MLLT3: variants seen among roughly 807,000 people sequenced by gnomAD.
MLLT3 encodes protein AF-9.
MLLT3 carries 4 observed loss-of-function variants against 53.2 expected under a neutral mutation model. The ratio of observed to expected loss-of-function variants is 0.08; its 90% confidence interval spans 0.04 to 0.17. MLLT3 has a LOEUF of 0.17. Among genes scored for constraint, MLLT3 ranks in the 10% least tolerant of loss-of-function variants. The pLI is 1.00. For synonymous variants in MLLT3, 283 were observed against 230.6 expected (o/e 1.23, Z -2.06); for missense variants, 569 against 684.0 (o/e 0.83, Z 1.87).
chr9:20,392,157 A>G (rs944629037), intron 5 of MLLT3, among the ~76,000 whole-genome samples: 4 of 152,134 alleles, frequency 2.6e-5, no homozygotes, highest in African/African-American at 9.7e-5. Context: ...TAATCAGAAC[A>G]CTCTAAGAAA....
rs548919961 is a variant in MLLT3, at chr9:20,409,926, A to G, written c.1125+3795T>C. ...CAGCAACAGCAGAAAACAAAAATGA[A>G]AAAACAAAAATCTACCAAGTGCCTA... On this transcript the variant is annotated intron_variant, in intron 5 of 10. Coordinates refer to ENST00000380338, the MANE Select transcript of MLLT3 (RefSeq NM_004529.4). Among the ~76,000 whole-genome samples the G allele has an allele frequency of 3.5e-4, 54 of 152,336 alleles. No homozygotes were observed. In the South Asian group the frequency reaches 3.9e-3, roughly 11 times the overall value.
chr9:20,532,445 TA>T (rs1466293197), intron 2 of MLLT3: 2 of 172,818 alleles, frequency 1.2e-5, no homozygotes, highest in East Asian at 2.8e-4. Flanking sequence ...TGCAGTCATA[TA>T]GTATATAATT....
At chr9:20,360,916 G>C in intron 7 of MLLT3, 75 bp from the exon 8 acceptor site, 2 of 1,274,114 alleles carry the variant, frequency 1.6e-6, no homozygotes, top group Non-Finnish European at 2.3e-6. Context: ...AATAGGCGTG[G>C]AAAGCACAGA....
intron 2 of MLLT3, among the ~76,000 whole-genome samples, chr9:20,545,051 C>T (rs551604735): frequency 3.6e-5 from 5 of 139,488 alleles, no homozygotes; most frequent in Admixed American, 7.9e-5. Context: ...GCCATGATCA[C>T]GCCACTGCAA....
intron 2 of MLLT3, among the ~76,000 whole-genome samples, chr9:20,475,643 A>C (rs920414853): frequency 1.3e-5 from 2 of 152,114 alleles, no homozygotes; most frequent in Admixed American, 1.3e-4. Flanking sequence ...AAAACAAAAC[A>C]AAACCTGGTT....
At chr9:20,458,016 T>C (rs1824013544) in intron 2 of MLLT3, among the ~76,000 whole-genome samples, 1 of 152,162 alleles carries the variant, frequency 6.6e-6, no homozygotes, top group African/African-American at 2.4e-5. Flanking sequence ...CTCTGCTTCA[T>C]TCCAATGCAT....
intron 4 of MLLT3, among the ~76,000 whole-genome samples, chr9:20,433,063 A>G (rs1015722070): frequency 2.4e-4 from 36 of 151,914 alleles, no homozygotes; most frequent in African/African-American, 8.7e-4. Flanking sequence ...CCCCTTAACA[A>G]TTCAGTCCAA....
At chr9:20,397,722 T>G (rs143864768) in intron 5 of MLLT3, among the ~76,000 whole-genome samples, 1 of 152,194 alleles carries the variant, frequency 6.6e-6, no homozygotes, top group Non-Finnish European at 1.5e-5. Context: ...AACATCTTCC[T>G]TTCTAAAATG....
intron 2 of MLLT3, among the ~76,000 whole-genome samples, chr9:20,501,128 G>A (rs550808842): frequency 1.2e-3 from 190 of 152,200 alleles, no homozygotes; most frequent in African/African-American, 4.4e-3. Flanking sequence ...AAAATGCCTA[G>A]GAATTACTAT....
At chr9:20,510,738 C>G (rs1279748339) in intron 2 of MLLT3, among the ~76,000 whole-genome samples, 4 of 151,210 alleles carry the variant, frequency 2.6e-5, no homozygotes, top group African/African-American at 9.7e-5. Context: ...TTGAAAGTTT[C>G]TACAATCTTC....
chr9:20,471,889 C>A (rs1385963575), intron 2 of MLLT3, among the ~76,000 whole-genome samples: 1 of 151,320 alleles, frequency 6.6e-6, no homozygotes, highest in Non-Finnish European at 1.5e-5. Context: ...ACACTTTTAC[C>A]ACCAACACAG....
chr9:20,621,164 C>T lies in MLLT3; in HGVS notation c.13-330G>A, dbSNP rs1587140932. Among the ~76,000 whole-genome samples, 1 of 152,320 alleles carries T rather than the reference C, an allele frequency of 6.6e-6. No homozygotes were observed. The highest frequency in any genetic ancestry group is 1.9e-4 in the East Asian group (1 of 5,160). On this transcript the variant is annotated intron_variant, in intron 1 of 10. Coordinates refer to ENST00000380338, the MANE Select transcript of MLLT3 (RefSeq NM_004529.4). This position sits in a 1 kb window ranked among gnomAD's most constrained non-coding sequence, Gnocchi z 7.0. ...ACGACAAGCACGACAACAAATGCAT[C>T]GGAAACAAATCAGAAGGCGATGCCG...
At chr9:20,594,289 C>T (rs1349352275) in intron 2 of MLLT3, among the ~76,000 whole-genome samples, 3 of 152,078 alleles carry the variant, frequency 2.0e-5, no homozygotes, top group South Asian at 2.1e-4. Context: ...TATCACCTTT[C>T]GTTGGAACTC....
chr9:20,475,401 A>T (rs543168480), intron 2 of MLLT3, among the ~76,000 whole-genome samples: 11 of 152,264 alleles, frequency 7.2e-5, no homozygotes, highest in Non-Finnish European at 1.6e-4. Flanking sequence ...GCTGTCCTGC[A>T]CTTTATCTTA....
At chr9:20,559,809 C>T (rs1819155269) in intron 2 of MLLT3, among the ~76,000 whole-genome samples, 1 of 152,144 alleles carries the variant, frequency 6.6e-6, no homozygotes, top group Admixed American at 6.6e-5. Flanking sequence ...GTTCAATATG[C>T]ACAACATAGT....
rs542060503 is a variant in MLLT3 at position 20,602,813 on chromosome 9, ATATT to A, written c.193+17837_193+17840del. The stretch of plus-strand genomic sequence containing the variant: ...ACACACACACAGCATATGCACACAT[ATATT>A]TATTTATCTCCACCTAAAAAGAGAA... On this transcript the variant is annotated intron_variant, in intron 2 of 10. Coordinates refer to ENST00000380338, the MANE Select transcript of MLLT3 (RefSeq NM_004529.4). Among the ~76,000 whole-genome samples the A allele has an allele frequency of 2.7e-4, 41 of 151,862 alleles. 1 individual carries two copies. In the South Asian group the frequency reaches 4.2e-3, roughly 15 times the overall value.
intron 2 of MLLT3, among the ~76,000 whole-genome samples, chr9:20,480,935 T>C (rs1473384060): frequency 1.3e-5 from 2 of 152,130 alleles, no homozygotes; most frequent in Non-Finnish European, 2.9e-5. Flanking sequence ...AAGGCAAACC[T>C]ATAAATAAAT....
intron 2 of MLLT3, among the ~76,000 whole-genome samples, chr9:20,578,418 T>C (rs1231867606): frequency 2.6e-5 from 4 of 152,048 alleles, no homozygotes; most frequent in Non-Finnish European, 5.9e-5. Context: ...TGGCTCACAC[T>C]TGTAATTCCA....
Position 20,414,189 on chromosome 9 carries a change from T to C in MLLT3, c.657A>G (p.Lys219=). Residue 219 remains lysine, a synonymous_variant, in exon 5 of 11, where the codon AAA becomes AAG. Transcript: ENST00000380338. ...ATTTGTTGTGATCCCTGGAAGGTTC[T>C]TTGAAGGCACTTTTATGTTCTCTGG... ...KDSREHKSAF[K]EPSRDHNKSS... The C allele has an allele frequency of 1.9e-6, 3 of 1,614,250 alleles. No individual in the cohort carries two copies. The highest frequency in any genetic ancestry group is 2.2e-5 in the South Asian group (2 of 91,084).
Sources: allele counts gnomAD v4.1 joint callset (sites outside exome capture counted in the v4.1 genomes callset), GRCh38; gene constraint gnomAD v4.1.1; non-coding constraint Gnocchi (gnomAD v3.1); transcripts MANE v1.5; gene names NCBI Gene and HGNC (gene_info 2026-07-23, HGNC 2026-07-21).